RAB3B: variants seen among roughly 807,000 people sequenced by gnomAD.
RAB3B encodes the protein RAB3B, member RAS oncogene family.
In RAB3B, 11 loss-of-function variants were observed where a neutral mutation model predicts 20.5. The ratio of observed to expected loss-of-function variants is 0.54; its 90% CI spans 0.34 to 0.89. The LOEUF (loss-of-function observed/expected upper bound fraction) is 0.89. RAB3B is among the 40% of genes least tolerant of loss of function. The pLI, the probability that RAB3B is intolerant of heterozygous loss-of-function variation, is 0.02. For synonymous variants in RAB3B, 99 were observed against 106.3 expected (o/e 0.93, Z 0.42); for missense variants, 225 against 280.9 (o/e 0.80, Z 1.42).
chr1:51,979,699 T>C (rs978463713), intron 1 of RAB3B, among the ~76,000 whole-genome samples: 5 of 152,178 alleles, frequency 3.3e-5, no homozygotes, highest in Non-Finnish European at 7.3e-5. Context: ...ATATATTCAT[T>C]ATAAAAAATT....
chr1:51,976,757 G>T, intron 2 of RAB3B, 133 bp downstream of exon 2: 1 of 752,514 alleles, frequency 1.3e-6, no homozygotes, highest in Non-Finnish European at 2.2e-6. Flanking sequence ...TAGCCCAGGG[G>T]CCACACCTGA....
intron 1 of RAB3B, chr1:51,980,349 G>T (rs1270067586): frequency 3.1e-6 from 1 of 321,040 alleles, no homozygotes; most frequent in Non-Finnish European, 5.9e-6. Flanking sequence ...TATTATTTGA[G>T]CCCAGAAATT....
At chr1:51,927,291 A>T (rs1187162810) in intron 4 of RAB3B, among the ~76,000 whole-genome samples, 1 of 152,212 alleles carries the variant, frequency 6.6e-6, no homozygotes, top group African/African-American at 2.4e-5. Context: ...GGCCAAACAG[A>T]TCTTCCTACT....
At chr1:51,986,739 G>C (rs1262368062) in intron 1 of RAB3B, among the ~76,000 whole-genome samples, 1 of 152,242 alleles carries the variant, frequency 6.6e-6, no homozygotes, top group Non-Finnish European at 1.5e-5. Context: ...CCAGTAGGTG[G>C]TGTGAGAACG....
intron 2 of RAB3B, among the ~76,000 whole-genome samples, chr1:51,976,075 A>T (rs1449649752): frequency 6.6e-6 from 1 of 152,142 alleles, no homozygotes; most frequent in Non-Finnish European, 1.5e-5. Flanking sequence ...ACCTCATGAG[A>T]GGCCCCAACC....
At chr1:51,943,391 T>C (rs1427920421) in intron 2 of RAB3B, among the ~76,000 whole-genome samples, 3 of 103,030 alleles carry the variant, frequency 2.9e-5, no homozygotes, top group African/African-American at 9.8e-5. Flanking sequence ...CTCAAAATAA[T>C]AATAACAACA....
At position 51,911,825 on chromosome 1, in the gene RAB3B, T is replaced by C. The variant is rs984621794; in HGVS notation, c.*8102A>G. ...TTTTTATAAAAATCTTAGGGAAGGATTCTGATGGGCCCTGCTTGATCACAT... is the reference window on the plus strand; with the variant it reads ...TTTTTATAAAAATCTTAGGGAAGGACTCTGATGGGCCCTGCTTGATCACAT... On this transcript the variant is annotated 3_prime_UTR_variant, in exon 5 of 5. Coordinates refer to ENST00000371655, the MANE Select transcript of RAB3B (RefSeq NM_002867.4). The C allele has an allele frequency of 6.6e-6, 1 of 152,172 alleles. No homozygotes were observed. Among genetic ancestry groups the C allele is most frequent in the African/African-American group, 2.4e-5 (1 of 41,450 alleles). The allele number at this position is 152,172 out of a possible 1,614,324, so 9.4% of individuals were successfully genotyped here.
In RAB3B at chr1:51,912,718, AG is replaced by A. The variant is rs970907764; in HGVS notation, c.*7208del. 2 of 150,980 alleles carry A rather than the reference AG, an allele frequency of 1.3e-5. No homozygotes were observed. Among genetic ancestry groups the A allele is most frequent in the Non-Finnish European group, 2.9e-5 (2 of 67,818 alleles). The allele number at this position is 150,980 out of a possible 1,614,324, so 9.4% of individuals were successfully genotyped here. A position where few individuals can be genotyped will look rare whatever the true frequency, so the allele number is the denominator to read the frequency against. ...CAGAAAACAATGGTGGCCTGGACCA[AG>A]GTCATGCCAATGAAAATGGAGAAAA... On this transcript the variant is annotated 3_prime_UTR_variant, in exon 5 of 5. Coordinates refer to ENST00000371655, the MANE Select transcript of RAB3B (RefSeq NM_002867.4).
In RAB3B at chr1:51,912,554, A is replaced by AAAAAAATATAT. The variant is rs1491223921; in HGVS notation, c.*7372_*7373insATATATTTTTT. 1.3e-4 allele frequency: 2 copies of AAAAAAATATAT among 15,500 alleles called. No homozygotes were observed. Among genetic ancestry groups the AAAAAAATATAT allele is most frequent in the Non-Finnish European group, 2.9e-4 (2 of 6,828 alleles). 1.0% of individuals were successfully genotyped at this position (15,500 alleles called of 1,614,324 possible). ...AGACCGTCTCTATTAAAAAAAAAAA[A>AAAAAAATATAT]ATATATATATATATATATATATATA... On this transcript the variant is annotated 3_prime_UTR_variant, in exon 5 of 5. Coordinates refer to ENST00000371655, the MANE Select transcript of RAB3B (RefSeq NM_002867.4).
chr1:51,925,758 T>G (rs1369494796), intron 4 of RAB3B, among the ~76,000 whole-genome samples: 2 of 152,244 alleles, frequency 1.3e-5, no homozygotes, highest in Non-Finnish European at 2.9e-5. Context: ...TGGCACTTTG[T>G]GTGATTGTTT....
intron 2 of RAB3B, among the ~76,000 whole-genome samples, chr1:51,962,229 CA>C (rs1398176854): frequency 6.6e-6 from 1 of 152,206 alleles, no homozygotes; most frequent in Non-Finnish European, 1.5e-5. Context: ...AGGATGAAAT[CA>C]GTTCATAAAA....
intron 2 of RAB3B, among the ~76,000 whole-genome samples, chr1:51,964,713 T>C (rs185241371): frequency 1.0e-3 from 159 of 152,250 alleles, no homozygotes; most frequent in African/African-American, 3.6e-3. Flanking sequence ...TCTCTCCTTC[T>C]TTCTCTCTCC....
At chr1:51,982,904 T>C (rs1685106042) in intron 1 of RAB3B, among the ~76,000 whole-genome samples, 1 of 152,218 alleles carries the variant, frequency 6.6e-6, no homozygotes, top group Admixed American at 6.5e-5. Context: ...AGCCTAAGTG[T>C]AGAGTGTTTA....
Position 51,913,238 on chromosome 1 carries a change from C to T in RAB3B, c.*6689G>A, listed in dbSNP as rs1050049571. On this transcript the variant is annotated 3_prime_UTR_variant, in exon 5 of 5. Transcript: ENST00000371655. ...ATCAAAACTTCTTCATCTCGAGTGT[C>T]TTGATTCCTCCAAAGTAAATCCTTT... is the stretch of plus-strand genomic sequence containing the variant. 28 of 152,102 alleles carry T rather than the reference C, an allele frequency of 1.8e-4. 1 individual carries two copies. Among genetic ancestry groups the T allele is most frequent in the African/African-American group, 6.8e-4 (28 of 41,422 alleles). The allele number at this position is 152,102 out of a possible 1,614,324, so 9.4% of individuals were successfully genotyped here. A position where few individuals can be genotyped will look rare whatever the true frequency, so the allele number is the denominator to read the frequency against.
rs1254836875 is a variant in RAB3B at position 51,913,312 on chromosome 1, G to A, written c.*6615C>T. 1 of 152,050 alleles carries A rather than the reference G, an allele frequency of 6.6e-6. No homozygotes were observed. The highest frequency in any genetic ancestry group is 1.5e-5 in the Non-Finnish European group (1 of 68,020). 9.4% of individuals were successfully genotyped at this position (152,050 alleles called of 1,614,324 possible). On this transcript the variant is annotated 3_prime_UTR_variant, in exon 5 of 5. Coordinates refer to ENST00000371655, the MANE Select transcript of RAB3B (RefSeq NM_002867.4). ...AGACTGCCCTGCCCTATACAGTTTTGCCACTTGTCTTTGGTGATATCATCG... is the reference window on the plus strand; with the variant it reads ...AGACTGCCCTGCCCTATACAGTTTTACCACTTGTCTTTGGTGATATCATCG...
At chr1:51,954,638 C>T (rs1283292038) in intron 2 of RAB3B, among the ~76,000 whole-genome samples, 2 of 152,044 alleles carry the variant, frequency 1.3e-5, no homozygotes, top group Non-Finnish European at 2.9e-5. Flanking sequence ...TCTCCCTACT[C>T]GAGTGTGTGT....
rs749437509 is a variant in RAB3B, at chr1:51,919,954, C to T, written c.633G>A (p.Pro211=). 17 of 1,613,478 alleles carry T rather than the reference C, an allele frequency of 1.1e-5. No individual in the cohort carries two copies. The South Asian group carries it at 1.1e-4, about 10-fold the overall frequency. The part of the protein sequence containing the change: ...SKNTRLSDTP[P]LLQQNCSC ...AGCATGAGCAGTTCTGCTGCAGCAG[C>T]GGTGGGGTGTCCGAGAGACGCGTGT... Residue 211 remains proline (P), a synonymous_variant, in exon 5 of 5, where the codon CCG becomes CCA. Coordinates refer to ENST00000371655, the MANE Select transcript of RAB3B (RefSeq NM_002867.4).
intron 2 of RAB3B, among the ~76,000 whole-genome samples, chr1:51,948,243 C>G (rs1684589925): frequency 6.6e-6 from 1 of 152,108 alleles, no homozygotes; most frequent in Non-Finnish European, 1.5e-5. Context: ...TAAATAAAAC[C>G]AGGTCTTCTG....
chr1:51,932,738 T>C (rs1684344047), intron 4 of RAB3B, among the ~76,000 whole-genome samples: 1 of 152,212 alleles, frequency 6.6e-6, no homozygotes, highest in Non-Finnish European at 1.5e-5. Flanking sequence ...CAGAGTCTGC[T>C]CTACAGTTGA....
Sources: gnomAD v4.1 joint callset for allele counts (sites outside exome capture counted in the v4.1 genomes callset) on GRCh38, gnomAD v4.1.1 for gene constraint, MANE v1.5 for transcripts, NCBI Gene and HGNC (gene_info 2026-07-23, HGNC 2026-07-21) for gene names.